GRM4: variants seen among roughly 807,000 people sequenced by gnomAD.
GRM4 encodes metabotropic glutamate receptor 4.
Under a neutral mutation model 81.7 loss-of-function variants are expected in GRM4, and 28 were observed. The ratio of observed to expected loss-of-function variants is 0.34; its 90% CI spans 0.25 to 0.47. The LOEUF is 0.47. Ranked by LOEUF, GRM4 falls within the 20% of genes least tolerant of loss-of-function variation. The pLI, the probability that GRM4 is intolerant of heterozygous loss-of-function variation, is 1.00. For missense variants in GRM4, 948 were observed against 1,290.0 expected (o/e 0.73, Z 4.06); for synonymous variants, 488 against 528.8 (o/e 0.92, Z 1.06).
rs367884149 is a variant in GRM4, at chr6:34,035,966, C to G, written c.2144G>C (p.Cys715Ser). Residue 715 changes from cysteine (C) to serine (S), a missense_variant, in exon 9 of 11, where the codon TGT becomes TCT. Cys to Ser is a moderately radical substitution (Grantham distance 112, BLOSUM62 -1). Transcript: ENST00000538487. The surrounding 1 kb of genome is among the most constrained non-coding windows in gnomAD (Gnocchi z 6.6). ...GGAGGGGTCCACCACAAACCACACA[C>G]AGATGCCCAGCAGCTGCAGCGAGAT... ...SLISLQLLGICVWFVVDPSHS... is the reference protein window; with the variant it reads ...SLISLQLLGISVWFVVDPSHS... 13 of 1,613,520 alleles carry G rather than the reference C, an allele frequency of 8.1e-6. No homozygotes were observed. The highest frequency in any genetic ancestry group is 3.3e-5 in the Admixed American group (2 of 59,990).
At chr6:34,046,147 C>G (rs535588537) in intron 6 of GRM4, among the ~76,000 whole-genome samples, 1 of 152,310 alleles carries the variant, frequency 6.6e-6, no homozygotes, top group African/African-American at 2.4e-5. Flanking sequence ...CACGTGCGTG[C>G]ACACACATTG....
intron 8 of GRM4, among the ~76,000 whole-genome samples, chr6:34,037,827 C>T (rs1041016734): frequency 1.5e-4 from 22 of 146,386 alleles, no homozygotes; most frequent in African/African-American, 5.3e-4. Flanking sequence ...CATGCCACTG[C>T]GCTCCAGCCT....
chr6:34,082,762 A>T (rs1026197045), intron 3 of GRM4, among the ~76,000 whole-genome samples: 1 of 152,252 alleles, frequency 6.6e-6, no homozygotes, highest in Admixed American at 6.5e-5. Context: ...AACAAGCTGT[A>T]AGTGAAGGAC....
At position 34,061,961 on chromosome 6, in the gene GRM4, G is replaced by A. The variant is rs1357894065; in HGVS notation, c.804C>T (p.Ile268=). 1 of 1,613,992 alleles carries A rather than the reference G, an allele frequency of 6.2e-7. No individual in the cohort carries two copies. Among genetic ancestry groups the A allele is most frequent in the Admixed American group, 1.7e-5 (1 of 60,016 alleles). Residue 268 remains isoleucine (I), a synonymous_variant, in exon 4 of 11, where the codon ATC becomes ATT. Transcript: ENST00000538487. Reference sequence around the variant, plus strand: ...TCGAAGTCTCCAGGAGGCGGCGGATGATCTTGTCGAACTCGCCTGCCTTGG... The same window carrying A: ...TCGAAGTCTCCAGGAGGCGGCGGATAATCTTGTCGAACTCGCCTGCCTTGG... ...REPKAGEFDK[I]IRRLLETSNA...
upstream of GRM4, among the ~76,000 whole-genome samples, chr6:34,149,806 CT>C (rs1015501869): frequency 6.6e-6 from 1 of 152,210 alleles, no homozygotes; most frequent in African/African-American, 2.4e-5. Context: ...AATAACTTGA[CT>C]AAGACTAAAC....
intron 3 of GRM4, among the ~76,000 whole-genome samples, chr6:34,079,393 C>CA (rs1195542868): frequency 6.6e-6 from 1 of 152,224 alleles, no homozygotes; most frequent in Non-Finnish European, 1.5e-5. Flanking sequence ...CCTGCAACAA[C>CA]AGTTTAGCCA....
chr6:34,138,759 G>A (rs2029458), intron 1 of GRM4, among the ~76,000 whole-genome samples: 147,402 of 152,290 alleles, frequency 0.97, 71,412 homozygotes, highest in South Asian at 0.99. Flanking sequence ...GCTGACCTCT[G>A]CAGCCCAGTC....
intron 6 of GRM4, among the ~76,000 whole-genome samples, chr6:34,045,247 C>T (rs568097637): frequency 2.0e-5 from 3 of 152,338 alleles, no homozygotes; most frequent in East Asian, 1.9e-4. Flanking sequence ...ATGCCTGTGA[C>T]GGCAGCAGCT....
chr6:34,120,665 C>T (rs114757482), intron 2 of GRM4, among the ~76,000 whole-genome samples: 1 of 152,128 alleles, frequency 6.6e-6, no homozygotes, highest in East Asian at 1.9e-4. Flanking sequence ...CACATCACCC[C>T]CTAAGCCCCA....
rs1581659906 is a variant in GRM4 at position 34,074,818 on chromosome 6, G to A, written c.737-12790C>T. Among the ~76,000 whole-genome samples the A allele has an allele frequency of 6.6e-6, 1 of 152,180 alleles. No individual in the cohort carries two copies. Among genetic ancestry groups the A allele is most frequent in the Non-Finnish European group, 1.5e-5 (1 of 68,032 alleles). On this transcript the variant is annotated intron_variant, in intron 3 of 10. Transcript: ENST00000538487. This position sits in a 1 kb window ranked among gnomAD's most constrained non-coding sequence, Gnocchi z 4.9. ...GGCAGATGGTGGCAGGAGGGGCCTGGATGGGGCAGGACACAAAGAGATGGC... is the reference window on the plus strand; with the variant it reads ...GGCAGATGGTGGCAGGAGGGGCCTGAATGGGGCAGGACACAAAGAGATGGC...
In GRM4 at chr6:34,026,649, C is replaced by T. The variant is rs947257055; in HGVS notation, c.2689+1471G>A. ...CCTCTGGCAGGAGTGGGTAATTGTC[C>T]CATGTTCCCAGGTGACTGGCTGGAG... is the stretch of plus-strand genomic sequence containing the variant. On this transcript the variant is annotated intron_variant, in intron 10 of 10. Transcript: ENST00000538487. Among the ~76,000 whole-genome samples, 4 of 152,206 alleles carry T rather than the reference C, an allele frequency of 2.6e-5. No homozygotes were observed. The East Asian group carries it at 7.8e-4, about 30-fold the overall frequency.
chr6:34,040,211 G>A lies in GRM4; in HGVS notation c.1473C>T (p.Val491=), dbSNP rs2127446271. 1.9e-6 allele frequency: 3 copies of A among 1,614,086 alleles called. No homozygotes were observed. The highest frequency in any genetic ancestry group is 2.2e-5 in the South Asian group (2 of 91,086). The part of the protein sequence containing the change: ...QLRNDSAEYK[V]IGSWTDHLHL... Reference sequence around the variant, plus strand: ...GCAGGTGGTCAGTCCAGGAGCCAATGACCTTGTACTCGGCAGAATCGTTGC... The same window carrying A: ...GCAGGTGGTCAGTCCAGGAGCCAATAACCTTGTACTCGGCAGAATCGTTGC... Residue 491 remains valine, a synonymous_variant, in exon 8 of 11, where the codon GTC becomes GTT. Transcript: ENST00000538487.
intron 1 of GRM4, among the ~76,000 whole-genome samples, chr6:34,140,070 A>T (rs1770618414): frequency 6.6e-6 from 1 of 152,190 alleles, no homozygotes; most frequent in Admixed American, 6.5e-5. Context: ...GAAAAAAAAT[A>T]AGGCAGATAA....
intron 6 of GRM4, among the ~76,000 whole-genome samples, chr6:34,043,498 C>T (rs1765114265): frequency 1.3e-5 from 2 of 152,210 alleles, no homozygotes; most frequent in African/African-American, 4.8e-5. Flanking sequence ...CCATCACACC[C>T]TCATCTCATA....
At position 34,130,275 on chromosome 6, in the gene GRM4, C is replaced by G. The variant is rs970681873; in HGVS notation, c.519+2703G>C. 2.6e-5 allele frequency among the ~76,000 whole-genome samples: 4 copies of G among 152,242 alleles called. No individual in the cohort carries two copies. The highest frequency in any genetic ancestry group is 9.6e-5 in the African/African-American group (4 of 41,458). ...GGGACCCAGGGAATGCAGGCCACAG[C>G]CGGCTGGTTTTCTCCCCGCTGTCCC... On this transcript the variant is annotated intron_variant, in intron 2 of 10. Coordinates refer to ENST00000538487, the MANE Select transcript of GRM4 (RefSeq NM_000841.4). The surrounding 1 kb of genome is among the most constrained non-coding windows in gnomAD (Gnocchi z 4.1).
At chr6:34,103,534 C>T in intron 2 of GRM4, 1 of 1,430,016 alleles carries the variant, frequency 7.0e-7, no homozygotes, top group Non-Finnish European at 9.5e-7. Flanking sequence ...CAAATCAGCA[C>T]TTGTCCTATT....
intron 6 of GRM4, among the ~76,000 whole-genome samples, chr6:34,041,125 T>C (rs1351659791): frequency 6.6e-6 from 1 of 152,158 alleles, no homozygotes; most frequent in East Asian, 1.9e-4. Flanking sequence ...TGGGATAATC[T>C]TGAGAGCAGC....
intron 2 of GRM4, among the ~76,000 whole-genome samples, chr6:34,116,144 T>A (rs904154639): frequency 1.3e-5 from 2 of 152,042 alleles, no homozygotes; most frequent in African/African-American, 2.4e-5. Flanking sequence ...CCGAGTGAAA[T>A]CAAAGTGGGC....
At chr6:34,155,402 C>A in exon 1 of GRM4, 1 of 1,478,076 alleles carries the variant, frequency 6.8e-7, no homozygotes, top group Non-Finnish European at 9.0e-7. Context: ...CTCCCACTCT[C>A]AGCATCTCCT....
Sources: gnomAD v4.1 joint callset for allele counts (sites outside exome capture counted in the v4.1 genomes callset) on GRCh38, gnomAD v4.1.1 for gene constraint, Gnocchi (gnomAD v3.1) non-coding constraint, MANE v1.5 for transcripts, NCBI Gene and HGNC (gene_info 2026-07-23, HGNC 2026-07-21) for gene names.